SCHIP1: variants seen among roughly 807,000 people sequenced by gnomAD.
The protein encoded by SCHIP1 is schwannomin-interacting protein 1.
In SCHIP1, 8 loss-of-function variants were observed where a neutral mutation model predicts 29.7. The ratio of observed to expected loss-of-function variants is 0.27; its 90% confidence interval spans 0.16 to 0.49. The LOEUF (loss-of-function observed/expected upper bound fraction) is 0.49. Ranked by LOEUF, SCHIP1 falls within the 20% of genes least tolerant of loss-of-function variation. The probability of loss-of-function intolerance (pLI) is 0.99; values close to 1 mark genes in which losing one functional copy is unlikely to be tolerated. For missense variants in SCHIP1, 193 were observed against 294.6 expected, an observed-to-expected ratio of 0.66 and a Z score of 2.52; for synonymous variants, 76 against 94.9, an observed-to-expected ratio of 0.80 and a Z score of 1.16.
At chr3:159,430,420 T>C in the SCHIP1 span, among the ~76,000 whole-genome samples, 1 of 152,168 alleles carries the variant, frequency 6.6e-6, no homozygotes, top group African/African-American at 2.4e-5. Context: ...AACTAGTGAT[T>C]ATACCAGACA....
At chr3:159,886,544 T>C in intron 3 of SCHIP1, 1 of 434,770 alleles carries the variant, frequency 2.3e-6, no homozygotes. Context: ...TATTTTCATA[T>C]TAAACCATTA....
the SCHIP1 span, among the ~76,000 whole-genome samples, chr3:159,548,121 T>C: frequency 6.6e-6 from 1 of 152,092 alleles, no homozygotes; most frequent in Admixed American, 6.6e-5. Flanking sequence ...ATGAGTAAGT[T>C]TGGCCAGAAA....
At chr3:159,495,924 C>G in the SCHIP1 span, among the ~76,000 whole-genome samples, 1 of 152,116 alleles carries the variant, frequency 6.6e-6, no homozygotes, top group Non-Finnish European at 1.5e-5. Context: ...CAATGGAATA[C>G]AACAGAGCCC....
At chr3:159,481,146 G>A in the SCHIP1 span, among the ~76,000 whole-genome samples, 1 of 152,058 alleles carries the variant, frequency 6.6e-6, no homozygotes, top group African/African-American at 2.4e-5. Context: ...TGCAGGCTTG[G>A]CCTCAGAGGC....
chr3:159,866,131 T>G (rs754949518), intron 1 of SCHIP1, 32 bp from the exon 3 acceptor site: 22 of 1,605,576 alleles, frequency 1.4e-5, no homozygotes, highest in African/African-American at 6.7e-5. Flanking sequence ...TCTGCCCACT[T>G]ATCAGCATTT....
At chr3:159,691,406 G>C in the SCHIP1 span, among the ~76,000 whole-genome samples, 103 of 143,302 alleles carry the variant, frequency 7.2e-4, no homozygotes, top group African/African-American at 2.5e-3. Context: ...GACTAGGATT[G>C]CAACCCCTGC....
At chr3:159,849,699 T>C (rs1488763894) in intron 1 of SCHIP1, among the ~76,000 whole-genome samples, 1 of 152,182 alleles carries the variant, frequency 6.6e-6, no homozygotes, top group Non-Finnish European at 1.5e-5. Flanking sequence ...GTGCTGGGGC[T>C]GGGATAATAG....
At chr3:159,426,343 A>G in the SCHIP1 span, among the ~76,000 whole-genome samples, 3 of 152,226 alleles carry the variant, frequency 2.0e-5, no homozygotes, top group African/African-American at 7.2e-5. Context: ...AAAAAATGAC[A>G]AAGGGGATAT....
chr3:159,341,381 A>G, the SCHIP1 span, among the ~76,000 whole-genome samples: 1 of 152,148 alleles, frequency 6.6e-6, no homozygotes, highest in South Asian at 2.1e-4. Context: ...CAAATACCTT[A>G]AAGAAAAACT....
chr3:159,495,568 T>G, the SCHIP1 span, among the ~76,000 whole-genome samples: 1 of 152,126 alleles, frequency 6.6e-6, no homozygotes, highest in Non-Finnish European at 1.5e-5. Context: ...AAGGACCTCT[T>G]CAAAGAGAAC....
the SCHIP1 span, among the ~76,000 whole-genome samples, chr3:159,481,702 A>G: frequency 6.6e-6 from 1 of 152,174 alleles, no homozygotes; most frequent in African/African-American, 2.4e-5. Flanking sequence ...GCAAGCTGGT[A>G]GGAAACACTA....
the SCHIP1 span, among the ~76,000 whole-genome samples, chr3:159,694,916 T>A: frequency 6.6e-6 from 1 of 152,202 alleles, no homozygotes; most frequent in African/African-American, 2.4e-5. Context: ...CAGGTCCCAA[T>A]GCTTGACTGA....
At chr3:159,303,073 G>C in the SCHIP1 span, among the ~76,000 whole-genome samples, 1 of 152,030 alleles carries the variant, frequency 6.6e-6, no homozygotes, top group South Asian at 2.1e-4. Context: ...AGTTAGTGAA[G>C]GCACCAGAAT....
intron 1 of SCHIP1, among the ~76,000 whole-genome samples, chr3:159,856,675 G>A (rs1011236153): frequency 1.2e-4 from 18 of 152,210 alleles, no homozygotes; most frequent in Admixed American, 2.0e-4. Context: ...CGGGCCAGCC[G>A]CTCGCTTCGC....
At chr3:159,335,197 T>C in the SCHIP1 span, among the ~76,000 whole-genome samples, 3 of 152,082 alleles carry the variant, frequency 2.0e-5, no homozygotes, top group East Asian at 1.9e-4. Context: ...TTATTTACCC[T>C]TGGGGCACTC....
At chr3:159,740,998 C>T in the SCHIP1 span, among the ~76,000 whole-genome samples, 1 of 152,092 alleles carries the variant, frequency 6.6e-6, no homozygotes, top group Non-Finnish European at 1.5e-5. Flanking sequence ...TCATCCACCT[C>T]ACCCAACTCC....
chr3:159,634,596 A>G, the SCHIP1 span, among the ~76,000 whole-genome samples: 1 of 152,104 alleles, frequency 6.6e-6, no homozygotes, highest in African/African-American at 2.4e-5. Context: ...CTCCACTGCA[A>G]ATTACTTATT....
the SCHIP1 span, among the ~76,000 whole-genome samples, chr3:159,378,803 C>G: frequency 1.3e-5 from 2 of 152,248 alleles, no homozygotes; most frequent in Non-Finnish European, 2.9e-5. Flanking sequence ...TCTAAAGTCA[C>G]TGTGGCAATT....
At chr3:159,346,201 G>GAAAAAAGA in the SCHIP1 span, among the ~76,000 whole-genome samples, 5 of 99,272 alleles carry the variant, frequency 5.0e-5, no homozygotes, top group Admixed American at 4.3e-4. Flanking sequence ...AAAAAAAAAA[G>GAAAAAAGA]AAAAAAGAAA....
Sources: allele counts gnomAD v4.1 joint callset (sites outside exome capture counted in the v4.1 genomes callset), GRCh38; gene constraint gnomAD v4.1.1; transcripts MANE v1.5; gene names NCBI Gene and HGNC (gene_info 2026-07-23, HGNC 2026-07-21).